The following PRKG1 variants were observed in gnomAD, a reference collection of about 807,000 sequenced individuals.
The protein encoded by PRKG1 is cGMP-dependent protein kinase 1.
A neutral mutation model predicts 88.1 loss-of-function variants in PRKG1; 35 were observed. That is an observed-to-expected ratio of 0.40 (90% CI 0.30 to 0.53). The LOEUF is 0.53. Ranked by LOEUF, PRKG1 falls within the 20% of genes least tolerant of loss-of-function variation. PRKG1 has a pLI of 0.59. For synonymous variants in PRKG1, 303 were observed against 292.5 expected (o/e 1.04, Z -0.37); for missense variants, 540 against 839.8 (o/e 0.64, Z 4.41).
intron 1 of PRKG1, among the ~76,000 whole-genome samples, chr10:50,992,374 C>T (rs1842791698): frequency 2.6e-5 from 4 of 152,174 alleles, no homozygotes; most frequent in Admixed American, 2.6e-4. Context: ...GTGCCTCTTC[C>T]AGAAGTTCAA....
In PRKG1 at chr10:52,176,005, T is replaced by C. The variant is rs568460443; in HGVS notation, c.1076+14042T>C. ...CAGAAGCCTTTCAGACTGATATAAG[T>C]TTATTTGTTTATTTTCACTTCTGTT... On this transcript the variant is annotated intron_variant, in intron 9 of 17. Coordinates refer to ENST00000373980, the MANE Select transcript of PRKG1 (RefSeq NM_006258.4). Among the ~76,000 whole-genome samples the C allele has an allele frequency of 2.0e-5, 3 of 152,020 alleles. No homozygotes were observed. In the East Asian group the frequency reaches 5.8e-4, roughly 29 times the overall value.
intron 2 of PRKG1, among the ~76,000 whole-genome samples, chr10:51,239,604 C>T (rs998911523): frequency 1.3e-5 from 2 of 152,144 alleles, no homozygotes; most frequent in African/African-American, 4.8e-5. Flanking sequence ...GGCGCACCCC[C>T]CTCAACACTA....
At chr10:51,009,852 C>T (rs1024325654) in intron 1 of PRKG1, among the ~76,000 whole-genome samples, 1 of 152,200 alleles carries the variant, frequency 6.6e-6, no homozygotes, top group African/African-American at 2.4e-5. Flanking sequence ...TCTGCCAGAA[C>T]ATTCATGCTA....
intron 4 of PRKG1, among the ~76,000 whole-genome samples, chr10:51,831,995 G>A (rs1436789595): frequency 6.6e-6 from 1 of 152,044 alleles, no homozygotes; most frequent in Non-Finnish European, 1.5e-5. Context: ...TTCTAAATTT[G>A]ATATAATAAG....
At chr10:52,280,167 C>T (rs1841970586) in intron 12 of PRKG1, among the ~76,000 whole-genome samples, 1 of 151,964 alleles carries the variant, frequency 6.6e-6, no homozygotes, top group Admixed American at 6.6e-5. Context: ...AATAAGAATT[C>T]AGTAGTATAG....
chr10:51,850,805 G>A (rs1840534371), intron 4 of PRKG1, among the ~76,000 whole-genome samples: 1 of 152,040 alleles, frequency 6.6e-6, no homozygotes, highest in South Asian at 2.1e-4. Context: ...CTTTTAGATT[G>A]GTAAACATTC....
intron 2 of PRKG1, among the ~76,000 whole-genome samples, chr10:51,284,565 A>G (rs1840384511): frequency 6.6e-6 from 1 of 152,250 alleles, no homozygotes; most frequent in African/African-American, 2.4e-5. Flanking sequence ...TTGTTATTAA[A>G]GGATATGTTT....
At chr10:51,150,513 T>G (rs1325971440) in intron 1 of PRKG1, among the ~76,000 whole-genome samples, 1 of 152,144 alleles carries the variant, frequency 6.6e-6, no homozygotes, top group Non-Finnish European at 1.5e-5. Context: ...GGGGTTGTAC[T>G]ACACAGAGGC....
chr10:51,528,972 G>A (rs1369102054), intron 3 of PRKG1, among the ~76,000 whole-genome samples: 3 of 151,914 alleles, frequency 2.0e-5, no homozygotes, highest in Non-Finnish European at 4.4e-5. Context: ...AAATGCACAG[G>A]AATTAACATG....
intron 5 of PRKG1, among the ~76,000 whole-genome samples, chr10:51,947,103 T>G (rs538762560): frequency 6.6e-6 from 1 of 152,168 alleles, no homozygotes; most frequent in East Asian, 1.9e-4. Context: ...CCTTGAGCTG[T>G]GGTGGGCTCC....
chr10:51,269,926 C>T (rs1403007312), intron 2 of PRKG1, among the ~76,000 whole-genome samples: 1 of 152,176 alleles, frequency 6.6e-6, no homozygotes, highest in East Asian at 1.9e-4. Context: ...TTAGATACAA[C>T]ATTTTAATGC....
intron 8 of PRKG1, among the ~76,000 whole-genome samples, chr10:52,142,677 G>T (rs1294395375): frequency 6.6e-6 from 1 of 152,082 alleles, no homozygotes; most frequent in Admixed American, 6.6e-5. Context: ...TTTGGAATTA[G>T]AATTTAAATG....
intron 2 of PRKG1, among the ~76,000 whole-genome samples, chr10:51,373,622 T>A (rs757289927): frequency 1.3e-5 from 2 of 152,076 alleles, no homozygotes; most frequent in Admixed American, 6.6e-5. Context: ...GTCCCTAGTA[T>A]GTGTTGTTCC....
chr10:51,735,534 AAC>A (rs941014371), intron 3 of PRKG1, among the ~76,000 whole-genome samples: 8 of 151,558 alleles, frequency 5.3e-5, no homozygotes, highest in African/African-American at 1.9e-4. Flanking sequence ...GCCTTAAAGA[AAC>A]ACAAGAAATA....
At chr10:51,664,191 T>C (rs1462350644) in intron 3 of PRKG1, among the ~76,000 whole-genome samples, 1 of 152,192 alleles carries the variant, frequency 6.6e-6, no homozygotes, top group Middle Eastern at 3.2e-3. Context: ...TCAGGACCAC[T>C]AAGAAGTTCA....
chr10:52,087,330 G>A (rs1400188650), intron 7 of PRKG1, among the ~76,000 whole-genome samples: 1 of 151,902 alleles, frequency 6.6e-6, no homozygotes, highest in Non-Finnish European at 1.5e-5. Flanking sequence ...TAATTCCTTG[G>A]TCATGATTTT....
intron 2 of PRKG1, among the ~76,000 whole-genome samples, chr10:51,158,526 A>C (rs1215823844): frequency 2.0e-5 from 3 of 152,052 alleles, no homozygotes; most frequent in African/African-American, 7.2e-5. Context: ...GCAATAGTTC[A>C]AAAAGAAAAA....
At chr10:51,525,571 G>T (rs1030644124) in intron 3 of PRKG1, among the ~76,000 whole-genome samples, 9 of 152,038 alleles carry the variant, frequency 5.9e-5, no homozygotes, top group African/African-American at 2.2e-4. Flanking sequence ...GGTGGCGGGG[G>T]CCTGTAGTCC....
At chr10:52,029,969 C>G (rs1845438107) in intron 5 of PRKG1, among the ~76,000 whole-genome samples, 1 of 152,212 alleles carries the variant, frequency 6.6e-6, no homozygotes. Context: ...GAAATCCATG[C>G]AATCATTCAA....
Sources: gnomAD v4.1 joint callset for allele counts (sites outside exome capture counted in the v4.1 genomes callset) on GRCh38, gnomAD v4.1.1 for gene constraint, MANE v1.5 for transcripts, NCBI Gene and HGNC (gene_info 2026-07-23, HGNC 2026-07-21) for gene names.